The following ERF variants were observed in gnomAD, a reference collection of about 807,000 sequenced individuals.
ERF encodes ETS2 repressor factor, also known as ETS domain-containing transcription factor ERF.
Under a neutral mutation model 41.6 loss-of-function variants are expected in ERF, and 10 were observed. That is an observed-to-expected ratio of 0.24 (90% CI 0.15 to 0.41). The LOEUF (loss-of-function observed/expected upper bound fraction) is 0.41. ERF is among the 10% of genes least tolerant of loss of function. ERF has a pLI of 1.00. For missense variants in ERF, 621 were observed against 763.2 expected (o/e 0.81, Z 2.19); for synonymous variants, 395 against 342.4 (o/e 1.15, Z -1.70).
chr19:42,249,880 T>G lies in ERF; in HGVS notation c.320A>C (p.Asn107Thr). ...TKGKRFTYKF[N>T]FNKLVLVNYP... ...ATTGACCAGCACCAGTTTGTTGAAA[T>G]TGAACTTGTAGGTGAACCGTTTCCC... The change falls in exon 3 of 4, where the codon AAT becomes ACT. Residue 107 changes from asparagine to threonine, a missense_variant. Asn to Thr is a moderately conservative substitution (Grantham distance 65). Coordinates refer to ENST00000222329, the MANE Select transcript of ERF (RefSeq NM_006494.4). This position sits in a 1 kb window ranked among gnomAD's most constrained non-coding sequence, Gnocchi z 8.6. 1 of 1,614,110 alleles carries G rather than the reference T, an allele frequency of 6.2e-7. No homozygotes were observed. Among genetic ancestry groups the G allele is most frequent in the Non-Finnish European group, 8.5e-7 (1 of 1,179,998 alleles).
At chr19:42,253,451 C>A (rs530349258) in intron 1 of ERF, among the ~76,000 whole-genome samples, 2 of 152,276 alleles carry the variant, frequency 1.3e-5, no homozygotes, top group Admixed American at 1.3e-4. Flanking sequence ...ACTGTCCCGC[C>A]CCCCGACAGG....
chr19:42,253,778 A>G (rs2036485572), intron 1 of ERF: 1 of 695,970 alleles, frequency 1.4e-6, no homozygotes. Context: ...GGGGATGGGG[A>G]TGGGAATGGG....
intron 1 of ERF, chr19:42,253,963 G>A (rs1158547032): frequency 9.9e-7 from 1 of 1,015,114 alleles, no homozygotes; most frequent in East Asian, 1.1e-4. Flanking sequence ...GCCGGATTCC[G>A]ACGGGGTAGA....
At chr19:42,254,182 G>A (rs934632947) in intron 1 of ERF, among the ~76,000 whole-genome samples, 2 of 150,806 alleles carry the variant, frequency 1.3e-5, no homozygotes, top group South Asian at 2.1e-4. Context: ...GGGGCGGAGG[G>A]AAGAGACGGC....
In ERF at chr19:42,248,602, A is replaced by T; in HGVS notation, c.1510T>A (p.Phe504Ile). The change falls in exon 4 of 4, where the codon TTT (phenylalanine) becomes ATT (isoleucine). Residue 504 changes from phenylalanine to isoleucine, a missense_variant. Physicochemically the swap from Phe to Ile is conservative, Grantham distance 21 (BLOSUM62 0). Transcript: ENST00000222329. The surrounding 1 kb of genome is among the most constrained non-coding windows in gnomAD (Gnocchi z 4.2). ...TTCTTGTCCTCACCCTCATCCTCAA[A>T]GCCCCCAGCGGGGCCCCCACCCCCT... is the stretch of plus-strand genomic sequence containing the variant. ...LEGGGGPAGG[F>I]EDEGEDKKVR... The T allele has an allele frequency of 6.3e-7, 1 of 1,581,590 alleles. No homozygotes were observed.
Position 42,249,596 on chromosome 19 carries a change from G to C in ERF, c.516C>G (p.Leu172=), listed in dbSNP as rs760238666. 1 of 1,613,734 alleles carries C rather than the reference G, an allele frequency of 6.2e-7. No homozygotes were observed. The highest frequency in any genetic ancestry group is 1.7e-5 in the Admixed American group (1 of 59,990). The change falls in exon 4 of 4, where the codon CTC becomes CTG. Residue 172 remains leucine, a synonymous_variant. Transcript: ENST00000222329. This position sits in a 1 kb window ranked among gnomAD's most constrained non-coding sequence, Gnocchi z 8.6. The stretch of plus-strand genomic sequence containing the variant: ...GGCGGCGGGCCACCACAGCCGAGAA[G>C]AGGGAAGATGAAGATGAAGAGCAGG... The part of the protein sequence containing the change: ...PPACSSSSSS[L]FSAVVARRLG...
At chr19:42,253,463 T>G (rs920971157) in intron 1 of ERF, among the ~76,000 whole-genome samples, 1 of 149,502 alleles carries the variant, frequency 6.7e-6, no homozygotes, top group Non-Finnish European at 1.5e-5. Flanking sequence ...CCCGACAGGG[T>G]TGGGGAAGCG....
At chr19:42,251,289 G>C (rs979943898) in intron 1 of ERF, 2 of 986,092 alleles carry the variant, frequency 2.0e-6, no homozygotes, top group Middle Eastern at 1.0e-3. Context: ...CAGGCCTGGA[G>C]CTTGAGCAGG....
In ERF at chr19:42,255,067, C is replaced by T; in HGVS notation, c.-68G>A. 4 of 1,247,124 alleles carry T rather than the reference C, an allele frequency of 3.2e-6. No individual in the cohort carries two copies. Among genetic ancestry groups the T allele is most frequent in the Non-Finnish European group, 3.0e-6 (3 of 987,554 alleles). The allele number at this position is 1,247,124 out of a possible 1,614,324, so 77.3% of individuals were successfully genotyped here. Reference sequence around the variant, plus strand: ...CTCCCGGCGCCCTCGCTGCCCCGTCCCGTCCCGCGCCCGTCGGGCCGCCCT... The same window carrying T: ...CTCCCGGCGCCCTCGCTGCCCCGTCTCGTCCCGCGCCCGTCGGGCCGCCCT... On this transcript the variant is annotated 5_prime_UTR_variant, in exon 1 of 4. Transcript: ENST00000222329.
chr19:42,254,858 G>A (rs1373088967), intron 1 of ERF, 120 bp downstream of exon 1: 6 of 1,182,968 alleles, frequency 5.1e-6, no homozygotes, highest in African/African-American at 1.6e-5. Context: ...AGTGCTTGAG[G>A]GGTCCCCCAG....
chr19:42,253,982 G>T, intron 1 of ERF: 2 of 995,166 alleles, frequency 2.0e-6, no homozygotes, highest in Non-Finnish European at 2.4e-6. Flanking sequence ...GACGGGCAGG[G>T]GGCGGCTGGG....
rs370521331 is a variant in ERF, at chr19:42,250,379, C to T, written c.209G>A (p.Arg70His). The T allele has an allele frequency of 1.2e-6, 2 of 1,613,876 alleles. No homozygotes were observed. ...PDEVARLWGV[R>H]KCKPQMNYDK... ...GTAATTCATCTGGGGCTTGCACTTG[C>T]GAACGCCCCACAGCCGGGCCACCTC... The change falls in exon 2 of 4, where the codon CGC (arginine) becomes CAC (histidine). Residue 70 changes from arginine (R) to histidine (H), a missense_variant. By Grantham distance (29) the Arg-to-His change is conservative (BLOSUM62 0). Coordinates refer to ENST00000222329, the MANE Select transcript of ERF (RefSeq NM_006494.4). The surrounding 1 kb of genome is among the most constrained non-coding windows in gnomAD (Gnocchi z 5.1).
At chr19:42,252,346 C>G (rs1192236246) in intron 1 of ERF, among the ~76,000 whole-genome samples, 2 of 152,220 alleles carry the variant, frequency 1.3e-5, no homozygotes, top group Admixed American at 6.5e-5. Context: ...CACCCTCCCC[C>G]CAAAATTAAA....
Position 42,249,036 on chromosome 19 carries a change from G to A in ERF, c.1076C>T (p.Pro359Leu), listed in dbSNP as rs780415692. Residue 359 changes from proline (P) to leucine (L), a missense_variant, in exon 4 of 4, where the codon CCG (proline) becomes CTG (leucine). By Grantham distance (98) the Pro-to-Leu change is moderately conservative. Transcript: ENST00000222329. The surrounding 1 kb of genome is among the most constrained non-coding windows in gnomAD (Gnocchi z 8.6). Reference sequence around the variant, plus strand: ...GGATGACGAGGCCGAGGAGGGGACCGGTGGGGTCTCGGGTGCCATGGGCGG... The same window carrying A: ...GGATGACGAGGCCGAGGAGGGGACCAGTGGGGTCTCGGGTGCCATGGGCGG... ...PLPPMAPETP[P>L]VPSSASSSSS... 1.9e-5 allele frequency: 31 copies of A among 1,611,636 alleles called. No homozygotes were observed. Among genetic ancestry groups the A allele is most frequent in the Admixed American group, 1.0e-4 (6 of 59,948 alleles).
In ERF at chr19:42,250,051, G is replaced by A. The variant is rs1204005551; in HGVS notation, c.258-109C>T. ...GGTTCCCAAAGGCCAACTGAGGAAC[G>A]TAGGCCACAAAAGACAAATCAAGTG... is the stretch of plus-strand genomic sequence containing the variant. On this transcript the variant is annotated intron_variant, in intron 2 of 3. Transcript: ENST00000222329. This position sits in a 1 kb window ranked among gnomAD's most constrained non-coding sequence, Gnocchi z 5.1. 7 of 1,098,698 alleles carry A rather than the reference G, an allele frequency of 6.4e-6. No homozygotes were observed. The highest frequency in any genetic ancestry group is 3.1e-5 in the African/African-American group (2 of 64,824). The allele number at this position is 1,098,698 out of a possible 1,614,324, so 68.1% of individuals were successfully genotyped here.
chr19:42,252,285 G>A (rs1450173905), intron 1 of ERF, among the ~76,000 whole-genome samples: 1 of 152,128 alleles, frequency 6.6e-6, no homozygotes, highest in Admixed American at 6.6e-5. Flanking sequence ...CCTAGAAGGG[G>A]GGCCAAAGCC....
rs2036415232 is a variant in ERF at position 42,249,898 on chromosome 19, C to T, written c.302G>A (p.Arg101Gln). The change falls in exon 3 of 4, where the codon CGG becomes CAG. Residue 101 changes from arginine to glutamine, a missense_variant. Arg to Gln is a conservative substitution (Grantham distance 43). Around this residue, in one of 3 missense-constraint regions of ERF, gnomAD observed 18 missense variants for 80.8 expected, o/e 0.22. Coordinates refer to ENST00000222329, the MANE Select transcript of ERF (RefSeq NM_006494.4). The surrounding 1 kb of genome is among the most constrained non-coding windows in gnomAD (Gnocchi z 8.6). ...KRILHKTKGK[R>Q]FTYKFNFNKL... ...GTTGAAATTGAACTTGTAGGTGAACCGTTTCCCCTTGGTCTTGTGCAGAAT... is the reference window on the plus strand; with the variant it reads ...GTTGAAATTGAACTTGTAGGTGAACTGTTTCCCCTTGGTCTTGTGCAGAAT... 2 of 1,614,118 alleles carry T rather than the reference C, an allele frequency of 1.2e-6. No homozygotes were observed. The highest frequency in any genetic ancestry group is 1.1e-5 in the South Asian group (1 of 91,076).
At chr19:42,251,680 C>G (rs2036448520) in intron 1 of ERF, among the ~76,000 whole-genome samples, 1 of 152,104 alleles carries the variant, frequency 6.6e-6, no homozygotes, top group South Asian at 2.1e-4. Context: ...GTCAATCCGC[C>G]TCCCTTGGCC....
chr19:42,253,758 CG>C, intron 1 of ERF: 1 of 640,150 alleles, frequency 1.6e-6, no homozygotes, highest in Non-Finnish European at 1.9e-6. Context: ...CGCCCCCACC[CG>C]CCGAGCAGGG....
Sources: allele counts gnomAD v4.1 joint callset (sites outside exome capture counted in the v4.1 genomes callset), GRCh38; gene constraint gnomAD v4.1.1; regional missense constraint gnomAD v4.1.1; non-coding constraint Gnocchi (gnomAD v3.1); transcripts MANE v1.5; gene names NCBI Gene and HGNC (gene_info 2026-07-23, HGNC 2026-07-21).